AGMO: variants seen among roughly 807,000 people sequenced by gnomAD.
The protein encoded by AGMO is glyceryl-ether monooxygenase.
Under a neutral mutation model 60.2 loss-of-function variants are expected in AGMO, and 75 were observed. The observed-to-expected ratio is 1.25, with a 90% confidence interval of 1.03 to 1.51. The LOEUF (loss-of-function observed/expected upper bound fraction) is 1.51, where lower values mean the gene tolerates loss of function less well. AGMO is among the 40% of genes most tolerant of loss of function. The probability of loss-of-function intolerance (pLI) is 0.00; values close to 1 mark genes in which losing one functional copy is unlikely to be tolerated. For missense variants in AGMO, 763 were observed against 525.5 expected (o/e 1.45, Z -4.42); for synonymous variants, 261 against 177.1 (o/e 1.47, Z -3.76).
the AGMO span, among the ~76,000 whole-genome samples, chr7:15,190,093 A>AGCAAACAGCTGTTTGCTT: frequency 0.024 from 12 of 506 alleles, 4 homozygotes; most frequent in East Asian, 0.17. Context: ...ATATATATAT[A>AGCAAACAGCTGTTTGCTT]TTTATATATA....
chr7:15,434,174 T>C (rs4615456), intron 3 of AGMO, among the ~76,000 whole-genome samples: 56,810 of 151,832 alleles, frequency 0.37, 10,709 homozygotes, highest in Middle Eastern at 0.42. Flanking sequence ...GACTTTGAAC[T>C]GATAATGCAG....
chr7:15,526,407 G>T (rs1424310535), intron 3 of AGMO, among the ~76,000 whole-genome samples: 1 of 152,098 alleles, frequency 6.6e-6, no homozygotes, highest in East Asian at 1.9e-4. Flanking sequence ...TAACAAATCG[G>T]AAAGTAAAGA....
chr7:15,486,244 T>C (rs1446764696), intron 3 of AGMO, among the ~76,000 whole-genome samples: 1 of 152,106 alleles, frequency 6.6e-6, no homozygotes, highest in African/African-American at 2.4e-5. Context: ...AGGAGCAACA[T>C]ATCAACGTGG....
intron 3 of AGMO, among the ~76,000 whole-genome samples, chr7:15,445,219 G>C (rs1039613149): frequency 6.6e-6 from 1 of 152,036 alleles, no homozygotes; most frequent in Non-Finnish European, 1.5e-5. Flanking sequence ...AGGTAACAAG[G>C]AATAACATCA....
chr7:15,117,982 T>A, the AGMO span, among the ~76,000 whole-genome samples: 1 of 151,944 alleles, frequency 6.6e-6, no homozygotes, highest in African/African-American at 2.4e-5. Flanking sequence ...TGGCATTGAT[T>A]ACAGACATGA....
intron 10 of AGMO, among the ~76,000 whole-genome samples, chr7:15,384,082 C>T (rs1264492063): frequency 6.6e-6 from 1 of 151,956 alleles, no homozygotes; most frequent in Admixed American, 6.5e-5. Flanking sequence ...ACTACAGGGC[C>T]CGCCACCATG....
chr7:15,394,081 A>G, intron 6 of AGMO, 32 bp downstream of exon 6: 5 of 1,513,720 alleles, frequency 3.3e-6, no homozygotes, highest in South Asian at 1.1e-5. Context: ...TAGAGAAATG[A>G]AGAAAAGAGA....
In AGMO at chr7:15,384,030, G is replaced by A. The variant is rs538441701; in HGVS notation, c.1074+1416C>T. On this transcript the variant is annotated intron_variant, in intron 10 of 12. Coordinates refer to ENST00000342526, the MANE Select transcript of AGMO (RefSeq NM_001004320.2). ...GGCTCACTGCAAGCTCTGCCTCCCA[G>A]GTTCACGTCATTCTTCTGCCTCAGC... Among the ~76,000 whole-genome samples, 454 of 152,128 alleles carry A rather than the reference G, an allele frequency of 3.0e-3. 2 individuals are homozygous for A. Among genetic ancestry groups the A allele is most frequent in the Admixed American group, 6.7e-3 (103 of 15,282 alleles).
chr7:15,328,392 C>T (rs912886295), intron 12 of AGMO, among the ~76,000 whole-genome samples: 1 of 152,130 alleles, frequency 6.6e-6, no homozygotes, highest in South Asian at 2.1e-4. Context: ...CCACCACGCC[C>T]AGCCTGATTT....
chr7:15,343,855 T>C (rs1781941111), intron 12 of AGMO, among the ~76,000 whole-genome samples: 3 of 152,306 alleles, frequency 2.0e-5, no homozygotes, highest in Non-Finnish European at 4.4e-5. Flanking sequence ...AAAACTTGCC[T>C]TTCTTGTAGT....
At chr7:15,144,203 G>A in the AGMO span, among the ~76,000 whole-genome samples, 1 of 152,074 alleles carries the variant, frequency 6.6e-6, no homozygotes, top group Non-Finnish European at 1.5e-5. Context: ...TAGAAACTTA[G>A]CTAACATTGG....
chr7:15,187,144 T>C, the AGMO span, among the ~76,000 whole-genome samples: 2 of 152,224 alleles, frequency 1.3e-5, no homozygotes, highest in Non-Finnish European at 2.9e-5. Flanking sequence ...CTATCTGATG[T>C]TAGAAAATTT....
At position 15,254,280 on chromosome 7, in the gene AGMO, G is replaced by T. The variant is rs78167458; in HGVS notation, c.1264-52921C>A. ...AGTGGGATTTCTGGATCATATGTTA[G>T]CTCTGTTTTTAACTTTTTGAGGAAC... On this transcript the variant is annotated intron_variant, in intron 12 of 12. Coordinates refer to ENST00000342526, the MANE Select transcript of AGMO (RefSeq NM_001004320.2). Among the ~76,000 whole-genome samples, 488 of 152,128 alleles carry T rather than the reference G, an allele frequency of 3.2e-3. 10 individuals are homozygous for T. Among genetic ancestry groups the T allele is most frequent in the East Asian group, 0.021 (107 of 5,172 alleles).
At chr7:15,381,289 G>T (rs185729986) in intron 10 of AGMO, among the ~76,000 whole-genome samples, 632 of 152,044 alleles carry the variant, frequency 4.2e-3, no homozygotes, top group Middle Eastern at 6.8e-3. Flanking sequence ...ATCCAACAAA[G>T]GTATAATATC....
chr7:15,241,275 A>G (rs1231748545), intron 12 of AGMO, among the ~76,000 whole-genome samples: 2 of 151,414 alleles, frequency 1.3e-5, no homozygotes, highest in South Asian at 2.1e-4. Flanking sequence ...CCTGGCTAAC[A>G]CGGTGAAACC....
chr7:15,546,838 G>C (rs1784794456), intron 2 of AGMO, among the ~76,000 whole-genome samples: 1 of 152,188 alleles, frequency 6.6e-6, no homozygotes, highest in Non-Finnish European at 1.5e-5. Context: ...TGCATGTTCA[G>C]ATGAGGGCTT....
intron 3 of AGMO, among the ~76,000 whole-genome samples, chr7:15,497,621 C>T (rs1783267445): frequency 6.6e-6 from 1 of 151,996 alleles, no homozygotes; most frequent in South Asian, 2.1e-4. Context: ...AGTGTGTGTG[C>T]ATGCACCTTT....
intron 12 of AGMO, among the ~76,000 whole-genome samples, chr7:15,229,273 GTATA>G (rs1782180638): frequency 6.6e-6 from 1 of 152,022 alleles, no homozygotes; most frequent in Non-Finnish European, 1.5e-5. Context: ...ACCAGAGGGA[GTATA>G]TACGAACATG....
intron 5 of AGMO, among the ~76,000 whole-genome samples, chr7:15,418,041 G>C (rs1356634568): frequency 6.6e-6 from 1 of 151,724 alleles, no homozygotes; most frequent in Non-Finnish European, 1.5e-5. Flanking sequence ...ATTTCTTCAG[G>C]TTTTTTTGGA....
Sources: allele counts gnomAD v4.1 joint callset (sites outside exome capture counted in the v4.1 genomes callset), GRCh38; gene constraint gnomAD v4.1.1; transcripts MANE v1.5; gene names NCBI Gene and HGNC (gene_info 2026-07-23, HGNC 2026-07-21).